The following TCERG1L variants were observed in gnomAD, a reference collection of about 807,000 sequenced individuals.
TCERG1L encodes transcription elongation regulator 1-like protein.
TCERG1L carries 37 observed loss-of-function variants against 56.3 expected under a neutral mutation model. That is an observed-to-expected ratio of 0.66 (90% CI 0.51 to 0.87). TCERG1L has a LOEUF of 0.87. Among genes scored for constraint, TCERG1L ranks in the 40% least tolerant of loss-of-function variants. The probability of loss-of-function intolerance (pLI) is 0.00; values close to 1 mark genes in which losing one functional copy is unlikely to be tolerated. For missense variants in TCERG1L, 799 were observed against 774.2 expected (o/e 1.03, Z -0.38); for synonymous variants, 324 against 326.3 (o/e 0.99, Z 0.08).
chr10:131,252,551 G>C (rs1177502689), intron 4 of TCERG1L, among the ~76,000 whole-genome samples: 1 of 152,112 alleles, frequency 6.6e-6, no homozygotes, highest in African/African-American at 2.4e-5. Context: ...TTTCATTCAT[G>C]CACCAAACGC....
At chr10:131,231,727 A>C (rs542870574) in intron 4 of TCERG1L, among the ~76,000 whole-genome samples, 1 of 152,162 alleles carries the variant, frequency 6.6e-6, no homozygotes, top group African/African-American at 2.4e-5. Flanking sequence ...CGTGGGGGGA[A>C]GTCAGTGCTA....
intron 9 of TCERG1L, among the ~76,000 whole-genome samples, chr10:131,109,946 T>A (rs1329457779): frequency 6.6e-6 from 1 of 152,184 alleles, no homozygotes; most frequent in East Asian, 1.9e-4. Context: ...AGATGCCTCA[T>A]CAAAATGGAC....
chr10:131,104,216 C>A, intron 10 of TCERG1L, 49 bp downstream of exon 10: 1 of 1,297,950 alleles, frequency 7.7e-7, no homozygotes, highest in South Asian at 1.3e-5. Flanking sequence ...ATGCAACAGT[C>A]GCTTTCATGC....
chr10:131,099,781 G>A (rs111315545), intron 10 of TCERG1L, among the ~76,000 whole-genome samples: 17,989 of 152,228 alleles, frequency 0.12, 1,100 homozygotes, highest in East Asian at 0.19. Context: ...ATACAGCAGC[G>A]AAATGAAACA....
intron 3 of TCERG1L, among the ~76,000 whole-genome samples, chr10:131,300,447 T>C (rs1210843843): frequency 6.6e-6 from 1 of 152,194 alleles, no homozygotes; most frequent in Non-Finnish European, 1.5e-5. Flanking sequence ...CTCGTTTTGT[T>C]ACAGGTCTAT....
intron 3 of TCERG1L, among the ~76,000 whole-genome samples, chr10:131,274,209 A>C (rs995314790): frequency 1.8e-4 from 27 of 152,158 alleles, no homozygotes; most frequent in African/African-American, 5.6e-4. Context: ...AAATATCCAC[A>C]TTTTCATATT....
chr10:131,237,818 G>A (rs751341352), intron 4 of TCERG1L, among the ~76,000 whole-genome samples: 2 of 152,146 alleles, frequency 1.3e-5, no homozygotes, highest in East Asian at 1.9e-4. Flanking sequence ...CCTTGAACCC[G>A]GTAACACCTA....
At chr10:131,239,083 G>T (rs986720310) in intron 4 of TCERG1L, among the ~76,000 whole-genome samples, 1 of 152,184 alleles carries the variant, frequency 6.6e-6, no homozygotes, top group African/African-American at 2.4e-5. Flanking sequence ...CCAAGAGAGA[G>T]CCCATTTGAG....
chr10:131,227,096 C>A (rs759850745), intron 4 of TCERG1L, among the ~76,000 whole-genome samples: 6 of 152,208 alleles, frequency 3.9e-5, no homozygotes, highest in Non-Finnish European at 7.3e-5. Context: ...CTGGAGAGAG[C>A]GGCACCCCAT....
chr10:131,193,472 T>C (rs1845325910), intron 4 of TCERG1L, among the ~76,000 whole-genome samples: 2 of 152,234 alleles, frequency 1.3e-5, no homozygotes, highest in Admixed American at 1.3e-4. Flanking sequence ...ATTTTTATAG[T>C]TTCATGTGTT....
At chr10:131,143,380 G>C (rs1845758522) in intron 7 of TCERG1L, among the ~76,000 whole-genome samples, 1 of 152,110 alleles carries the variant, frequency 6.6e-6, no homozygotes, top group Non-Finnish European at 1.5e-5. Flanking sequence ...AGCCAGGCAG[G>C]AGGAAAGAGG....
chr10:131,109,030 G>A (rs549274470), intron 9 of TCERG1L, among the ~76,000 whole-genome samples: 1 of 151,810 alleles, frequency 6.6e-6, no homozygotes, highest in East Asian at 1.9e-4. Flanking sequence ...CCCCGTCCAC[G>A]CTCAAGGAGA....
chr10:131,235,559 C>T (rs1845903967), intron 4 of TCERG1L, among the ~76,000 whole-genome samples: 1 of 152,018 alleles, frequency 6.6e-6, no homozygotes. Flanking sequence ...TTTAGTAAAG[C>T]ATGACAGCTC....
In TCERG1L at chr10:131,098,270, C is replaced by T. The variant is rs200133872; in HGVS notation, c.1604+36G>A. 1,161 of 1,544,154 alleles carry T rather than the reference C, an allele frequency of 7.5e-4. 1 individual carries two copies. The highest frequency in any genetic ancestry group is 9.6e-4 in the Non-Finnish European group (1,101 of 1,144,428). The stretch of plus-strand genomic sequence containing the variant: ...CCTCTTGTCATTGGTAAGTTCCCAG[C>T]CCCAGAAATCATCCGGTATATTTCT... On this transcript the variant is annotated intron_variant, in intron 11 of 11. Transcript: ENST00000368642.
Position 131,245,748 on chromosome 10 carries a change from G to A in TCERG1L, c.856+14511C>T, listed in dbSNP as rs182781683. Among the ~76,000 whole-genome samples, 61 of 152,314 alleles carry A rather than the reference G, an allele frequency of 4.0e-4. No individual in the cohort carries two copies. In the East Asian group the frequency reaches 4.1e-3, roughly 10 times the overall value. ...GTATCATCCTCATAAAGAGCTGGTC[G>A]AGTTCGGAGTTGGCGGGAGGGGTGC... On this transcript the variant is annotated intron_variant, in intron 4 of 11. Transcript: ENST00000368642.
In TCERG1L at chr10:131,103,735, T is replaced by G. The variant is rs892911044; in HGVS notation, c.1485+530A>C. 6.6e-6 allele frequency among the ~76,000 whole-genome samples: 1 copy of G among 152,222 alleles called. No homozygotes were observed. The highest frequency in any genetic ancestry group is 2.4e-5 in the African/African-American group (1 of 41,464). On this transcript the variant is annotated intron_variant, in intron 10 of 11. Coordinates refer to ENST00000368642, the MANE Select transcript of TCERG1L (RefSeq NM_174937.4). This position sits in a 1 kb window ranked among gnomAD's most constrained non-coding sequence, Gnocchi z 4.3. ...AAAATAAAAGGTTTTGACGGCCTTGTGTGCAAGACTGTGGTTCTTGTAGAG... is the reference window on the plus strand; with the variant it reads ...AAAATAAAAGGTTTTGACGGCCTTGGGTGCAAGACTGTGGTTCTTGTAGAG...
At chr10:131,166,168 G>A (rs527312911) in intron 5 of TCERG1L, among the ~76,000 whole-genome samples, 2 of 152,320 alleles carry the variant, frequency 1.3e-5, no homozygotes, top group South Asian at 2.1e-4. Context: ...CAGAAAGCTC[G>A]CAGTGTGGCT....
chr10:131,140,845 G>T (rs1011116777), intron 7 of TCERG1L, among the ~76,000 whole-genome samples: 1 of 152,220 alleles, frequency 6.6e-6, no homozygotes. Context: ...CTCCTGCCAG[G>T]AGAGGTGGTG....
chr10:131,127,931 C>T (rs1248852311), intron 8 of TCERG1L, among the ~76,000 whole-genome samples: 5 of 152,052 alleles, frequency 3.3e-5, no homozygotes, highest in Non-Finnish European at 7.4e-5. Context: ...AGAGAAACAC[C>T]CCCAGGTGGC....
Sources: allele counts gnomAD v4.1 joint callset (sites outside exome capture counted in the v4.1 genomes callset), GRCh38; gene constraint gnomAD v4.1.1; non-coding constraint Gnocchi (gnomAD v3.1); transcripts MANE v1.5; gene names NCBI Gene and HGNC (gene_info 2026-07-23, HGNC 2026-07-21).